JADE2: variants seen among roughly 807,000 people sequenced by gnomAD.
JADE2 encodes E3 ubiquitin-protein ligase Jade-2.
JADE2 carries 13 observed loss-of-function variants against 85.7 expected under a neutral mutation model. The ratio of observed to expected loss-of-function variants is 0.15; its 90% CI spans 0.10 to 0.24. The LOEUF (loss-of-function observed/expected upper bound fraction) is 0.24. Ranked by LOEUF, JADE2 falls within the 10% of genes least tolerant of loss-of-function variation. The pLI, the probability that JADE2 is intolerant of heterozygous loss-of-function variation, is 1.00. For missense variants in JADE2, 846 were observed against 1,115.9 expected (o/e 0.76, Z 3.45); for synonymous variants, 440 against 456.1 (o/e 0.96, Z 0.45).
chr5:134,564,753 G>C (rs1208647655), intron 8 of JADE2, 143 bp downstream of exon 8: 5 of 548,346 alleles, frequency 9.1e-6, no homozygotes, highest in Non-Finnish European at 1.6e-5. Flanking sequence ...TGGGGCCAGA[G>C]TCAGAATCGC....
intron 1 of JADE2, among the ~76,000 whole-genome samples, chr5:134,534,473 G>C: frequency 6.6e-6 from 1 of 152,100 alleles, no homozygotes; most frequent in East Asian, 1.9e-4. Context: ...TCCTGCTGGT[G>C]GTGGGCACTG....
chr5:134,567,842 A>G (rs1201139418), intron 9 of JADE2, among the ~76,000 whole-genome samples: 1 of 152,188 alleles, frequency 6.6e-6, no homozygotes, highest in East Asian at 1.9e-4. Flanking sequence ...GCCAGAAGGA[A>G]GAGGTGGAGG....
chr5:134,555,428 G>T (rs1037518849), intron 4 of JADE2, among the ~76,000 whole-genome samples: 4 of 152,232 alleles, frequency 2.6e-5, no homozygotes, highest in Admixed American at 1.3e-4. Flanking sequence ...TGAGGCCTTG[G>T]CCTAGGGTCA....
chr5:134,527,674 C>G (rs1008747649), intron 1 of JADE2, among the ~76,000 whole-genome samples: 17 of 151,934 alleles, frequency 1.1e-4, no homozygotes, highest in African/African-American at 3.9e-4. Flanking sequence ...CGGTCGGAAT[C>G]ACGCCGGCGC....
chr5:134,531,275 G>C (rs1331125046), intron 1 of JADE2, among the ~76,000 whole-genome samples: 3 of 152,192 alleles, frequency 2.0e-5, no homozygotes, highest in African/African-American at 7.2e-5. Context: ...CTAGAAGGTG[G>C]TGAGGAAGGG....
At chr5:134,525,665 G>A (rs1466235369), upstream of JADE2, 1 of 1,196,180 alleles carries the variant, frequency 8.4e-7, no homozygotes, top group Non-Finnish European at 1.1e-6. Flanking sequence ...GGTTTAAAAA[G>A]AAACAGAAAC....
chr5:134,571,093 T>G (rs1430319756), intron 9 of JADE2, among the ~76,000 whole-genome samples: 2 of 152,218 alleles, frequency 1.3e-5, no homozygotes, highest in East Asian at 3.9e-4. Flanking sequence ...GCCTCCCAGC[T>G]TCTGGTGGTT....
Position 134,578,922 on chromosome 5 carries a change from G to A in JADE2, c.2110G>A (p.Ala704Thr), listed in dbSNP as rs759999086. 3 of 1,613,790 alleles carry A rather than the reference G, an allele frequency of 1.9e-6. No individual in the cohort carries two copies. In the Admixed American group the frequency reaches 5.0e-5, roughly 27 times the overall value. The change falls in exon 12 of 12, where the codon GCA (alanine) becomes ACA (threonine). Residue 704 changes from alanine to threonine, a missense_variant. Physicochemically the swap from Ala to Thr is moderately conservative, Grantham distance 58. This residue lies in a region of JADE2 where 300 missense variants were observed against 300.7 expected (regional missense o/e 1.00). Coordinates refer to ENST00000681547, the MANE Select transcript of JADE2 (RefSeq NM_001388185.1). The surrounding 1 kb of genome is among the most constrained non-coding windows in gnomAD (Gnocchi z 4.4). ...ATCTTCTCACTTGCCGTCCAGCCCT[G>A]CAGCCGGGGACTGTCCCATCCTAGC... ...RTSSHLPSSP[A>T]AGDCPILATP...
intron 9 of JADE2, among the ~76,000 whole-genome samples, chr5:134,571,470 G>A (rs940159758): frequency 1.6e-4 from 25 of 152,200 alleles, no homozygotes; most frequent in African/African-American, 5.8e-4. Flanking sequence ...AGGCCAAGGT[G>A]GGCGGATCAG....
At chr5:134,546,097 G>A (rs1001362851) in intron 3 of JADE2, among the ~76,000 whole-genome samples, 1 of 152,122 alleles carries the variant, frequency 6.6e-6, no homozygotes, top group African/African-American at 2.4e-5. Flanking sequence ...ACAAATCCTG[G>A]GATTCATTCA....
chr5:134,577,803 G>T (rs1408303307), intron 11 of JADE2, among the ~76,000 whole-genome samples: 1 of 152,142 alleles, frequency 6.6e-6, no homozygotes, highest in Admixed American at 6.5e-5. Context: ...AGGAAGGAAG[G>T]CTCTGCCGCC....
chr5:134,550,483 G>A (rs564850709), intron 3 of JADE2, among the ~76,000 whole-genome samples: 1 of 152,352 alleles, frequency 6.6e-6, no homozygotes, highest in Admixed American at 6.5e-5. Flanking sequence ...AGCGGTGGAT[G>A]CTGACTTTTC....
At chr5:134,557,203 T>TG (rs1763009260) in intron 4 of JADE2, among the ~76,000 whole-genome samples, 1 of 150,568 alleles carries the variant, frequency 6.6e-6, no homozygotes, top group African/African-American at 2.4e-5. Context: ...TTGTTGTTAT[T>TG]ATGATGATGA....
intron 1 of JADE2, among the ~76,000 whole-genome samples, chr5:134,534,459 C>T (rs754888091): frequency 1.4e-4 from 22 of 152,126 alleles, no homozygotes; most frequent in Non-Finnish European, 2.5e-4. Flanking sequence ...TCCTGCCATC[C>T]TGGTCCTGCT....
chr5:134,550,984 G>A (rs1762556949), intron 3 of JADE2, among the ~76,000 whole-genome samples: 1 of 152,086 alleles, frequency 6.6e-6, no homozygotes, highest in South Asian at 2.1e-4. Context: ...GAGTGTCCTT[G>A]TTCTTGAGGG....
chr5:134,562,693 G>A lies in JADE2; in HGVS notation c.852+326G>A, dbSNP rs1763399240. 6.6e-6 allele frequency among the ~76,000 whole-genome samples: 1 copy of A among 152,206 alleles called. No homozygotes were observed. The highest frequency in any genetic ancestry group is 1.5e-5 in the Non-Finnish European group (1 of 68,032). On this transcript the variant is annotated intron_variant, in intron 7 of 11. Coordinates refer to ENST00000681547, the MANE Select transcript of JADE2 (RefSeq NM_001388185.1). The surrounding 1 kb of genome is among the most constrained non-coding windows in gnomAD (Gnocchi z 4.6). ...GCAGGAGAATCACTTGAACCTGGGA[G>A]TTGGAGGTTGCAGTGAACCGAGATC...
chr5:134,556,447 C>A (rs1007149772), intron 4 of JADE2, among the ~76,000 whole-genome samples: 6 of 149,918 alleles, frequency 4.0e-5, no homozygotes, highest in Non-Finnish European at 7.4e-5. Context: ...CACACACACA[C>A]CACACACACA....
In JADE2 at chr5:134,559,969, A is replaced by G. The variant is rs1214358243; in HGVS notation, c.451A>G (p.Asn151Asp). 1 of 1,614,102 alleles carries G rather than the reference A, an allele frequency of 6.2e-7. No homozygotes were observed. Among genetic ancestry groups the G allele is most frequent in the Non-Finnish European group, 8.5e-7 (1 of 1,180,002 alleles). The change falls in exon 5 of 12, where the codon AAC (asparagine) becomes GAC (aspartate). Residue 151 changes from asparagine (N) to aspartate (D), a missense_variant. By Grantham distance (23) the Asn-to-Asp change is conservative. Coordinates refer to ENST00000681547, the MANE Select transcript of JADE2 (RefSeq NM_001388185.1). ...TGATGCCTACTGGCTGGAGCTCATC[A>G]ACTCGGAGCTTAAGGAGATGGGTAG... ...EIDAYWLELI[N>D]SELKEMERPE... is the part of the protein sequence containing the mutation.
At chr5:134,537,166 G>GA (rs1761645713) in intron 2 of JADE2, among the ~76,000 whole-genome samples, 1 of 152,200 alleles carries the variant, frequency 6.6e-6, no homozygotes, top group Admixed American at 6.5e-5. Flanking sequence ...CCCTTTGAGA[G>GA]AGCCAGGTAC....
Sources: gnomAD v4.1 joint callset for allele counts (sites outside exome capture counted in the v4.1 genomes callset) on GRCh38, gnomAD v4.1.1 for gene constraint, gnomAD v4.1.1 regional missense constraint, Gnocchi (gnomAD v3.1) non-coding constraint, MANE v1.5 for transcripts, NCBI Gene and HGNC (gene_info 2026-07-23, HGNC 2026-07-21) for gene names.